The following CTNND2 variants were observed in gnomAD, a reference collection of about 807,000 sequenced individuals.
CTNND2 encodes the protein catenin delta 2.
CTNND2 carries 22 observed loss-of-function variants against 144.4 expected under a neutral mutation model. The observed-to-expected ratio is 0.15, with a 90% CI of 0.11 to 0.22. CTNND2 has a LOEUF of 0.22. Ranked by LOEUF, CTNND2 falls within the 10% of genes least tolerant of loss-of-function variation. The probability of loss-of-function intolerance (pLI) is 1.00; values close to 1 mark genes in which losing one functional copy is unlikely to be tolerated. For synonymous variants in CTNND2, 751 were observed against 695.6 expected (o/e 1.08, Z -1.25); for missense variants, 1,353 against 1,618.8 (o/e 0.84, Z 2.82).
intron 2 of CTNND2, among the ~76,000 whole-genome samples, chr5:11,722,880 A>G (rs1379312278): frequency 6.6e-6 from 1 of 152,194 alleles, no homozygotes; most frequent in Non-Finnish European, 1.5e-5. Flanking sequence ...TGCCACCATT[A>G]AACATAAAAA....
chr5:11,414,554 T>C (rs1251835552), intron 3 of CTNND2, among the ~76,000 whole-genome samples: 1 of 152,134 alleles, frequency 6.6e-6, no homozygotes, highest in Non-Finnish European at 1.5e-5. Flanking sequence ...CTCCTAAGGA[T>C]CCCAGCAGGG....
chr5:11,723,871 A>C (rs538405157), intron 2 of CTNND2, among the ~76,000 whole-genome samples: 1 of 152,212 alleles, frequency 6.6e-6, no homozygotes, highest in East Asian at 1.9e-4. Flanking sequence ...CCTGGCTAGC[A>C]CAGTGAAACC....
At chr5:11,725,371 T>G (rs1294717766) in intron 2 of CTNND2, among the ~76,000 whole-genome samples, 1 of 152,240 alleles carries the variant, frequency 6.6e-6, no homozygotes, top group African/African-American at 2.4e-5. Context: ...GGGTTATTAG[T>G]GATTCCTTTT....
intron 1 of CTNND2, among the ~76,000 whole-genome samples, chr5:11,747,838 C>T (rs375104767): frequency 1.3e-5 from 2 of 152,250 alleles, no homozygotes; most frequent in East Asian, 1.9e-4. Context: ...CACAGTGGTT[C>T]GCAACATGTT....
chr5:11,888,009 C>T (rs1736682201), intron 1 of CTNND2, among the ~76,000 whole-genome samples: 1 of 152,064 alleles, frequency 6.6e-6, no homozygotes, highest in Non-Finnish European at 1.5e-5. Flanking sequence ...TCCTTGGATG[C>T]TAAATTATAT....
At chr5:11,739,617 T>C (rs776628994) in intron 1 of CTNND2, among the ~76,000 whole-genome samples, 1 of 151,120 alleles carries the variant, frequency 6.6e-6, no homozygotes, top group Admixed American at 6.6e-5. Context: ...ACTGGAAGCA[T>C]TCCCTTTGAA....
intron 2 of CTNND2, among the ~76,000 whole-genome samples, chr5:11,644,670 T>A (rs912207225): frequency 7.5e-6 from 1 of 133,114 alleles, no homozygotes; most frequent in Non-Finnish European, 1.6e-5. Context: ...CAAGACTCCA[T>A]CTCAAAAAAA....
chr5:11,305,309 A>T (rs1015628743), intron 9 of CTNND2, among the ~76,000 whole-genome samples: 31 of 152,174 alleles, frequency 2.0e-4, no homozygotes, highest in African/African-American at 7.2e-4. Flanking sequence ...AATGGGCCTC[A>T]GCATCAGGCT....
chr5:11,744,902 A>C (rs1295824871), intron 1 of CTNND2, among the ~76,000 whole-genome samples: 1 of 151,676 alleles, frequency 6.6e-6, no homozygotes, highest in Admixed American at 6.6e-5. Context: ...CGTCCAGCTA[A>C]TTTTTGTGCT....
intron 3 of CTNND2, among the ~76,000 whole-genome samples, chr5:11,456,143 C>G (rs1040937049): frequency 3.9e-5 from 6 of 152,110 alleles, no homozygotes; most frequent in African/African-American, 1.4e-4. Flanking sequence ...TACATATTAC[C>G]ATCACTTATT....
intron 3 of CTNND2, among the ~76,000 whole-genome samples, chr5:11,512,247 T>C (rs1771722753): frequency 6.6e-6 from 1 of 152,230 alleles, no homozygotes; most frequent in Admixed American, 6.5e-5. Context: ...CATTTTGAAC[T>C]AGACCCTGCA....
intron 17 of CTNND2, among the ~76,000 whole-genome samples, chr5:11,018,813 C>A (rs1388403509): frequency 1.3e-5 from 2 of 150,492 alleles, no homozygotes; most frequent in African/African-American, 4.9e-5. Flanking sequence ...CGGGTTCAAG[C>A]GATTCTCCTT....
At chr5:11,718,522 T>A (rs1004006508) in intron 2 of CTNND2, among the ~76,000 whole-genome samples, 3 of 152,102 alleles carry the variant, frequency 2.0e-5, no homozygotes, top group African/African-American at 7.2e-5. Context: ...CATTGGCAGG[T>A]GCTGGGACTT....
intron 3 of CTNND2, among the ~76,000 whole-genome samples, chr5:11,484,968 C>G (rs1246995683): frequency 1.3e-5 from 2 of 151,984 alleles, no homozygotes; most frequent in African/African-American, 4.8e-5. Context: ...TTATTTATAC[C>G]TGATTATATC....
At chr5:11,156,227 T>C (rs553351266) in intron 12 of CTNND2, among the ~76,000 whole-genome samples, 10 of 152,356 alleles carry the variant, frequency 6.6e-5, no homozygotes, top group Admixed American at 6.5e-4. Context: ...TAATAAGCTT[T>C]TGGACATTTA....
chr5:11,679,181 C>T (rs1784317690), intron 2 of CTNND2, among the ~76,000 whole-genome samples: 1 of 151,982 alleles, frequency 6.6e-6, no homozygotes, highest in African/African-American at 2.4e-5. Context: ...CACCCCTATC[C>T]TGGAGAACTG....
intron 9 of CTNND2, among the ~76,000 whole-genome samples, chr5:11,262,068 A>C (rs940996763): frequency 1.3e-5 from 2 of 152,170 alleles, no homozygotes. Context: ...AAAAGATAGG[A>C]GGCCCCAGGT....
chr5:11,254,532 G>A (rs1041642834), intron 9 of CTNND2, among the ~76,000 whole-genome samples: 1 of 152,148 alleles, frequency 6.6e-6, no homozygotes, highest in Admixed American at 6.5e-5. Flanking sequence ...ATAGGTATCA[G>A]AGGTGCAGGC....
At chr5:11,563,663 A>C (rs964640308) in intron 3 of CTNND2, among the ~76,000 whole-genome samples, 7 of 152,274 alleles carry the variant, frequency 4.6e-5, no homozygotes, top group Admixed American at 4.6e-4. Flanking sequence ...ATCCTAAATA[A>C]GGTTTTATAA....
Sources: allele counts gnomAD v4.1 joint callset (sites outside exome capture counted in the v4.1 genomes callset), GRCh38; gene constraint gnomAD v4.1.1; transcripts MANE v1.5; gene names NCBI Gene and HGNC (gene_info 2026-07-23, HGNC 2026-07-21).